PTPRD: variants seen among roughly 807,000 people sequenced by gnomAD.
PTPRD encodes the protein protein tyrosine phosphatase receptor type D, also known as receptor-type tyrosine-protein phosphatase delta.
A neutral mutation model predicts 214.5 loss-of-function variants in PTPRD; 34 were observed. The observed-to-expected ratio is 0.16, with a 90% CI of 0.12 to 0.21. The LOEUF is 0.21. PTPRD is among the 10% of genes least tolerant of loss of function. The pLI, the probability that PTPRD is intolerant of heterozygous loss-of-function variation, is 1.00. For synonymous variants in PTPRD, 1,128 were observed against 845.7 expected, an observed-to-expected ratio of 1.33 and a Z score of -5.79; for missense variants, 2,545 against 2,398.7, an observed-to-expected ratio of 1.06 and a Z score of -1.27.
At chr9:10,208,878 G>T (rs919130578) in intron 3 of PTPRD, among the ~76,000 whole-genome samples, 5 of 152,130 alleles carry the variant, frequency 3.3e-5, no homozygotes, top group Admixed American at 3.3e-4. Context: ...CAGCTGTGAA[G>T]AATTTAGACA....
At chr9:8,500,558 G>GAAAAAAAAAAAAAAAAAAAAAAAAAAAA (rs146807692) in intron 24 of PTPRD, among the ~76,000 whole-genome samples, 196 bp downstream of exon 24, 2 of 14,310 alleles carry the variant, frequency 1.4e-4, no homozygotes, top group African/African-American at 6.3e-4. Context: ...TGAAAAAAAT[G>GAAAAAAAAAAAAAAAAAAAAAAAAAAAA]AAAAAAAAAA....
At chr9:9,491,236 A>G (rs960312791) in intron 8 of PTPRD, among the ~76,000 whole-genome samples, 10 of 151,944 alleles carry the variant, frequency 6.6e-5, no homozygotes, top group Non-Finnish European at 1.0e-4. Flanking sequence ...AAATTTCAAT[A>G]CAGCACTAAT....
chr9:10,303,228 G>A (rs559665044), intron 3 of PTPRD, among the ~76,000 whole-genome samples: 5 of 152,084 alleles, frequency 3.3e-5, no homozygotes, highest in East Asian at 1.9e-4. Context: ...ACAAAGTCAC[G>A]ATGTACCAGA....
intron 10 of PTPRD, among the ~76,000 whole-genome samples, chr9:9,118,972 A>T (rs1033355913): frequency 2.6e-5 from 4 of 152,204 alleles, no homozygotes; most frequent in African/African-American, 9.6e-5. Flanking sequence ...GTAGTAGCGG[A>T]CATGGACATT....
intron 8 of PTPRD, among the ~76,000 whole-genome samples, chr9:9,457,378 A>G (rs2093159589): frequency 6.6e-6 from 1 of 152,040 alleles, no homozygotes; most frequent in Admixed American, 6.6e-5. Context: ...GCACTGTTAT[A>G]ATTCCTATTT....
At chr9:9,632,612 GT>G (rs1207045060) in intron 7 of PTPRD, among the ~76,000 whole-genome samples, 1 of 141,924 alleles carries the variant, frequency 7.0e-6, no homozygotes, top group African/African-American at 2.8e-5. Flanking sequence ...AAGAGAGAAA[GT>G]TAAAAAAAAA....
chr9:8,913,516 A>C (rs2154263042), intron 11 of PTPRD, among the ~76,000 whole-genome samples: 1 of 152,286 alleles, frequency 6.6e-6, no homozygotes, highest in African/African-American at 2.4e-5. Context: ...CTGAGTCTGC[A>C]TACATCTGGC....
rs1007217525 is a variant in PTPRD at position 9,854,636 on chromosome 9, T to A, written c.-368+83871A>T. 2.0e-5 allele frequency among the ~76,000 whole-genome samples: 3 copies of A among 152,200 alleles called. No homozygotes were observed. In the East Asian group the frequency reaches 5.8e-4, roughly 29 times the overall value. On this transcript the variant is annotated intron_variant, in intron 5 of 45. Coordinates refer to ENST00000381196, the MANE Select transcript of PTPRD (RefSeq NM_002839.4). ...CTTCTCTTATTCTTTCAAGAAATGA[T>A]GCCCACCATATTTTTACTTGTTTTT...
chr9:10,481,456 C>G (rs1486245662), intron 2 of PTPRD, among the ~76,000 whole-genome samples: 1 of 151,986 alleles, frequency 6.6e-6, no homozygotes, highest in Non-Finnish European at 1.5e-5. Flanking sequence ...TCCATTTATC[C>G]TTCCCAAAAG....
chr9:9,979,793 G>A (rs2095477370), intron 4 of PTPRD, among the ~76,000 whole-genome samples: 1 of 152,126 alleles, frequency 6.6e-6, no homozygotes, highest in African/African-American at 2.4e-5. Flanking sequence ...AAAGAGTATA[G>A]AATGATGAGT....
chr9:8,660,963 G>GACAC (rs199622866), intron 12 of PTPRD, among the ~76,000 whole-genome samples: 2 of 151,642 alleles, frequency 1.3e-5, no homozygotes, highest in African/African-American at 4.9e-5. Context: ...ATTTAACTGA[G>GACAC]ACACACACAC....
intron 10 of PTPRD, among the ~76,000 whole-genome samples, chr9:9,112,079 T>C (rs977145487): frequency 6.6e-5 from 10 of 152,132 alleles, no homozygotes; most frequent in African/African-American, 1.9e-4. Flanking sequence ...CCCCAACATC[T>C]CAGGTAAAAC....
chr9:10,548,364 A>G (rs1047051720), intron 2 of PTPRD, among the ~76,000 whole-genome samples: 1 of 152,128 alleles, frequency 6.6e-6, no homozygotes, highest in African/African-American at 2.4e-5. Flanking sequence ...CCACCCAGCT[A>G]TTAAATGAAG....
chr9:10,265,705 A>G (rs2094006632), intron 3 of PTPRD, among the ~76,000 whole-genome samples: 1 of 152,192 alleles, frequency 6.6e-6, no homozygotes, highest in African/African-American at 2.4e-5. Context: ...AGCAAAAATA[A>G]ATAAGGAAAC....
intron 5 of PTPRD, among the ~76,000 whole-genome samples, chr9:9,897,503 A>AT (rs544603413): frequency 6.6e-6 from 1 of 151,950 alleles, no homozygotes; most frequent in Non-Finnish European, 1.5e-5. Context: ...TTTTTCATCT[A>AT]TTTTTTTCTT....
intron 10 of PTPRD, among the ~76,000 whole-genome samples, chr9:9,176,902 G>A (rs892154968): frequency 1.3e-5 from 2 of 152,070 alleles, no homozygotes; most frequent in Non-Finnish European, 2.9e-5. Flanking sequence ...AACAGATAAA[G>A]ACATTAATGG....
intron 3 of PTPRD, among the ~76,000 whole-genome samples, chr9:10,108,090 G>T (rs143753804): frequency 1.3e-5 from 2 of 152,046 alleles, no homozygotes; most frequent in South Asian, 4.2e-4. Context: ...ACATCTGTGG[G>T]TGTCCAATCA....
chr9:8,870,733 A>G (rs1047321734), intron 11 of PTPRD, among the ~76,000 whole-genome samples: 34 of 50,692 alleles, frequency 6.7e-4, no homozygotes, highest in Admixed American at 6.1e-3. Context: ...CACACACGGG[A>G]GTTCAGCACA....
intron 14 of PTPRD, among the ~76,000 whole-genome samples, chr9:8,532,011 CAAAGAT>C (rs758292453): frequency 1.3e-5 from 2 of 151,954 alleles, no homozygotes; most frequent in African/African-American, 2.4e-5. Flanking sequence ...GAGTGCACAA[CAAAGAT>C]AATCTTTCTT....
Sources: allele counts gnomAD v4.1 joint callset (sites outside exome capture counted in the v4.1 genomes callset), GRCh38; gene constraint gnomAD v4.1.1; transcripts MANE v1.5; gene names NCBI Gene and HGNC (gene_info 2026-07-23, HGNC 2026-07-21).